Variants in CSMD3 observed in about 807,000 individuals in gnomAD.
CSMD3 encodes CUB and Sushi multiple domains 3, also known as CUB and sushi domain-containing protein 3.
Under a neutral mutation model 435.2 loss-of-function variants are expected in CSMD3, and 177 were observed. The observed-to-expected ratio is 0.41, with a 90% CI of 0.36 to 0.46. The LOEUF (loss-of-function observed/expected upper bound fraction) is 0.46. Among genes scored for constraint, CSMD3 ranks in the 20% least tolerant of loss-of-function variants. The pLI, the probability that CSMD3 is intolerant of heterozygous loss-of-function variation, is 0.34. For synonymous variants in CSMD3, 1,656 were observed against 1,520.5 expected (o/e 1.09, Z -2.07); for missense variants, 4,265 against 4,504.6 (o/e 0.95, Z 1.52).
intron 13 of CSMD3, among the ~76,000 whole-genome samples, chr8:112,749,327 G>T (rs375642831): frequency 6.6e-6 from 1 of 152,000 alleles, no homozygotes; most frequent in Non-Finnish European, 1.5e-5. Flanking sequence ...TTTGTTGTGC[G>T]CAGGCTCTTA....
At chr8:112,581,207 G>GAAATCTGGAGTAATTTTTTCAAT (rs1171758224) in intron 23 of CSMD3, among the ~76,000 whole-genome samples, 2 of 152,010 alleles carry the variant, frequency 1.3e-5, no homozygotes, top group African/African-American at 4.8e-5. Flanking sequence ...GTGAGATTTA[G>GAAATCTGGAGTAATTTTTTCAAT]AAATCTGGAG....
chr8:112,503,112 G>T (rs1316976781), intron 30 of CSMD3, among the ~76,000 whole-genome samples: 1 of 151,980 alleles, frequency 6.6e-6, no homozygotes, highest in African/African-American at 2.4e-5. Context: ...TAGAGACACG[G>T]TCTTGCTCTC....
At chr8:112,695,179 A>C (rs369691235) in intron 13 of CSMD3, among the ~76,000 whole-genome samples, 2 of 152,156 alleles carry the variant, frequency 1.3e-5, no homozygotes, top group Admixed American at 1.3e-4. Context: ...CTCCTCTGTT[A>C]TCCACTAGCA....
chr8:113,318,414 A>G (rs1278813971), intron 1 of CSMD3, among the ~76,000 whole-genome samples: 1 of 152,168 alleles, frequency 6.6e-6, no homozygotes, highest in Non-Finnish European at 1.5e-5. Flanking sequence ...CATCTCACAT[A>G]GTTACTTTTT....
Position 113,428,711 on chromosome 8 carries a change from G to A in CSMD3, c.178+7966C>T, listed in dbSNP as rs139092440. 3.5e-3 allele frequency among the ~76,000 whole-genome samples: 536 copies of A among 151,860 alleles called. 2 individuals are homozygous for A. Among genetic ancestry groups the A allele is most frequent in the African/African-American group, 0.012 (507 of 41,514 alleles). ...ATTTCCCAAAACATAAGAATGTCTCGTATCCTCTCTACATAGTAAATAACT... is the reference window on the plus strand; with the variant it reads ...ATTTCCCAAAACATAAGAATGTCTCATATCCTCTCTACATAGTAAATAACT... On this transcript the variant is annotated intron_variant, in intron 1 of 70. Coordinates refer to ENST00000297405, the MANE Select transcript of CSMD3 (RefSeq NM_198123.2).
chr8:112,270,367 T>TGTGTGTGTGTGTGTTAGGGGTGA (rs1563717496), intron 59 of CSMD3, among the ~76,000 whole-genome samples: 2 of 150,224 alleles, frequency 1.3e-5, no homozygotes, highest in Admixed American at 1.3e-4. Context: ...TGTGTGTGTG[T>TGTGTGTGTGTGTGTTAGGGGTGA]GTGTGTGTGT....
chr8:112,361,837 A>G (rs1386083191), intron 38 of CSMD3, among the ~76,000 whole-genome samples: 3 of 151,570 alleles, frequency 2.0e-5, no homozygotes. Context: ...AAGAAACAAA[A>G]GTTAAATCAT....
intron 32 of CSMD3, among the ~76,000 whole-genome samples, chr8:112,439,460 T>C (rs927818832): frequency 1.3e-5 from 2 of 152,166 alleles, no homozygotes; most frequent in Admixed American, 1.3e-4. Flanking sequence ...AATTCCATTT[T>C]GGAGAACAGG....
chr8:112,895,748 G>A (rs1338351471), intron 10 of CSMD3, among the ~76,000 whole-genome samples: 1 of 151,394 alleles, frequency 6.6e-6, no homozygotes, highest in African/African-American at 2.4e-5. Context: ...AGATGATGGT[G>A]AGACATCCTA....
intron 13 of CSMD3, among the ~76,000 whole-genome samples, chr8:112,742,434 C>T (rs1346010517): frequency 6.6e-6 from 1 of 151,882 alleles, no homozygotes; most frequent in Non-Finnish European, 1.5e-5. Flanking sequence ...CATTAGAGTT[C>T]ATTCCTTACA....
intron 10 of CSMD3, among the ~76,000 whole-genome samples, chr8:112,913,052 C>A (rs2082470101): frequency 6.6e-6 from 1 of 152,008 alleles, no homozygotes; most frequent in Non-Finnish European, 1.5e-5. Context: ...ATCTGCACAT[C>A]CACCATTGTT....
In CSMD3 at chr8:112,654,442, T is replaced by C. The variant is rs115856097; in HGVS notation, c.3004+1712A>G. Among the ~76,000 whole-genome samples, 999 of 152,340 alleles carry C rather than the reference T, an allele frequency of 6.6e-3. 9 individuals carry two copies. The highest frequency in any genetic ancestry group is 0.023 in the African/African-American group (965 of 41,584). On this transcript the variant is annotated intron_variant, in intron 18 of 70. Coordinates refer to ENST00000297405, the MANE Select transcript of CSMD3 (RefSeq NM_198123.2). ...AATTTAAATACAAAGTTATTTCATCTTGTTAGATTTGACCAAATTAATAAC... is the reference window on the plus strand; with the variant it reads ...AATTTAAATACAAAGTTATTTCATCCTGTTAGATTTGACCAAATTAATAAC...
Position 112,768,568 on chromosome 8 carries a change from T to G in CSMD3, c.1972+31594A>C, listed in dbSNP as rs529489896. Among the ~76,000 whole-genome samples, 61 of 152,002 alleles carry G rather than the reference T, an allele frequency of 4.0e-4. 1 individual carries two copies. In the South Asian group the frequency reaches 7.0e-3, roughly 18 times the overall value. Reference sequence around the variant, plus strand: ...AGTGAAGCTTTGTAAATGAAAGAAATAGTGCACTGAGTTACATTCTGGCAC... The same window carrying G: ...AGTGAAGCTTTGTAAATGAAAGAAAGAGTGCACTGAGTTACATTCTGGCAC... On this transcript the variant is annotated intron_variant, in intron 13 of 70. Coordinates refer to ENST00000297405, the MANE Select transcript of CSMD3 (RefSeq NM_198123.2).
chr8:112,763,936 T>G (rs1352627546), intron 13 of CSMD3, among the ~76,000 whole-genome samples: 4 of 151,410 alleles, frequency 2.6e-5, no homozygotes. Flanking sequence ...AAATTCCAAT[T>G]AAGCCTTTTC....
chr8:113,088,305 T>C (rs895443291), intron 5 of CSMD3, among the ~76,000 whole-genome samples: 1 of 151,398 alleles, frequency 6.6e-6, no homozygotes. Flanking sequence ...AGTGTGGCAA[T>C]TCCTCAGGGA....
intron 5 of CSMD3, among the ~76,000 whole-genome samples, chr8:113,042,655 A>G (rs2087672676): frequency 1.3e-5 from 2 of 152,140 alleles, no homozygotes; most frequent in Admixed American, 1.3e-4. Flanking sequence ...AAACTCTTCC[A>G]ATTTCAAATT....
intron 5 of CSMD3, among the ~76,000 whole-genome samples, chr8:113,042,047 T>C (rs1159806244): frequency 6.6e-6 from 1 of 152,218 alleles, no homozygotes; most frequent in Non-Finnish European, 1.5e-5. Flanking sequence ...TCCTCAATTT[T>C]AATATGTATC....
intron 4 of CSMD3, among the ~76,000 whole-genome samples, chr8:113,123,317 T>C (rs1036422184): frequency 6.6e-6 from 1 of 152,100 alleles, no homozygotes; most frequent in African/African-American, 2.4e-5. Flanking sequence ...ATTGGCATGA[T>C]AGTCATGATT....
Position 112,656,222 on chromosome 8 carries a change from T to C in CSMD3, c.2936A>G (p.Asn979Ser), listed in dbSNP as rs925487138. The C allele has an allele frequency of 2.0e-5, 32 of 1,595,082 alleles. No individual in the cohort carries two copies. Among genetic ancestry groups the C allele is most frequent in the African/African-American group, 4.0e-5 (3 of 74,468 alleles). The change falls in exon 18 of 71, where the codon AAT becomes AGT. Residue 979 changes from asparagine (N) to serine (S), a missense_variant. Asn to Ser is a conservative substitution (Grantham distance 46). Around this residue, in one of 3 missense-constraint regions of CSMD3, gnomAD observed 3,255 missense variants for 3,380.2 expected, o/e 0.96. Coordinates refer to ENST00000297405, the MANE Select transcript of CSMD3 (RefSeq NM_198123.2). ...QVPQFLFSSS[N>S]FIYLLFTTDN... ...TGTTGTAAATAGAAGGTATATAAAA[T>C]TACTGCTACTAAATAGAAACTGGGG...
Sources: allele counts gnomAD v4.1 joint callset (sites outside exome capture counted in the v4.1 genomes callset), GRCh38; gene constraint gnomAD v4.1.1; regional missense constraint gnomAD v4.1.1; transcripts MANE v1.5; gene names NCBI Gene and HGNC (gene_info 2026-07-23, HGNC 2026-07-21).